Variants in NOL4 observed in about 807,000 individuals in gnomAD.
The protein encoded by NOL4 is cancer/testis antigen 125.
In NOL4, 17 loss-of-function variants were observed where a neutral mutation model predicts 75.9. That is an observed-to-expected ratio of 0.22 (90% confidence interval 0.15 to 0.34). The LOEUF is 0.34. Ranked by LOEUF, NOL4 falls within the 10% of genes least tolerant of loss-of-function variation. The pLI is 1.00. For missense variants in NOL4, 614 were observed against 793.5 expected, an observed-to-expected ratio of 0.77 and a Z score of 2.72; for synonymous variants, 292 against 289.9, an observed-to-expected ratio of 1.01 and a Z score of -0.07.
At chr18:34,115,887 G>T (rs915362552) in intron 2 of NOL4, among the ~76,000 whole-genome samples, 2 of 152,086 alleles carry the variant, frequency 1.3e-5, no homozygotes, top group Non-Finnish European at 2.9e-5. Flanking sequence ...ATTATCTACG[G>T]TTGTGGAGTG....
chr18:34,053,522 C>A (rs2076711083), intron 5 of NOL4, among the ~76,000 whole-genome samples: 1 of 151,916 alleles, frequency 6.6e-6, no homozygotes, highest in Non-Finnish European at 1.5e-5. Context: ...TAATTTAATT[C>A]AAATGATCTG....
intron 9 of NOL4, among the ~76,000 whole-genome samples, chr18:33,893,806 G>T (rs2065237761): frequency 6.6e-6 from 1 of 152,174 alleles, no homozygotes; most frequent in Admixed American, 6.6e-5. Context: ...TACATTTTGA[G>T]AATATCATGT....
At chr18:33,981,396 A>ATTAATG (rs2071946106) in intron 6 of NOL4, among the ~76,000 whole-genome samples, 3 of 151,964 alleles carry the variant, frequency 2.0e-5, no homozygotes, top group Admixed American at 2.0e-4. Flanking sequence ...ATTATAGTCA[A>ATTAATG]ACTACAGAAA....
At chr18:34,019,121 G>A (rs2074880947) in intron 6 of NOL4, among the ~76,000 whole-genome samples, 197 bp downstream of exon 6, 1 of 152,078 alleles carries the variant, frequency 6.6e-6, no homozygotes, top group African/African-American at 2.4e-5. Context: ...TTTGAGACAC[G>A]ATTCATTTTG....
chr18:34,160,824 C>T (rs555911748), intron 1 of NOL4, among the ~76,000 whole-genome samples: 86 of 152,220 alleles, frequency 5.6e-4, no homozygotes, highest in African/African-American at 1.6e-3. Context: ...GTTCTGGGAA[C>T]AATCAAGATC....
intron 1 of NOL4, among the ~76,000 whole-genome samples, chr18:34,146,893 C>A (rs942499703): frequency 6.6e-6 from 1 of 151,866 alleles, no homozygotes; most frequent in African/African-American, 2.4e-5. Context: ...CTCTTATTTC[C>A]TTGAGCAGTG....
chr18:34,200,505 T>G (rs1159165309), intron 1 of NOL4, among the ~76,000 whole-genome samples: 1 of 151,852 alleles, frequency 6.6e-6, no homozygotes, highest in African/African-American at 2.4e-5. Flanking sequence ...AGATGACAGT[T>G]TATTCTTTAA....
intron 5 of NOL4, among the ~76,000 whole-genome samples, chr18:34,049,265 G>A (rs780505758): frequency 1.3e-5 from 2 of 151,488 alleles, no homozygotes; most frequent in Non-Finnish European, 1.5e-5. Flanking sequence ...TAATCATTTA[G>A]AAAAATAATT....
chr18:34,037,131 A>G (rs1190418373), intron 5 of NOL4, among the ~76,000 whole-genome samples: 1 of 152,188 alleles, frequency 6.6e-6, no homozygotes, highest in Non-Finnish European at 1.5e-5. Flanking sequence ...TGTACACCAT[A>G]GTGAAATAGC....
intron 9 of NOL4, among the ~76,000 whole-genome samples, chr18:33,890,972 C>A (rs2144816397): frequency 6.6e-6 from 1 of 151,846 alleles, no homozygotes; most frequent in African/African-American, 2.4e-5. Flanking sequence ...CACACACTAT[C>A]CATCAAACTT....
chr18:34,100,790 T>C (rs1200078721), intron 4 of NOL4, among the ~76,000 whole-genome samples: 1 of 152,194 alleles, frequency 6.6e-6, no homozygotes, highest in African/African-American at 2.4e-5. Context: ...CTTGGCCTTA[T>C]GTCTAGCTTA....
At chr18:33,985,506 A>G (rs1351704982) in intron 6 of NOL4, among the ~76,000 whole-genome samples, 1 of 152,146 alleles carries the variant, frequency 6.6e-6, no homozygotes, top group Admixed American at 6.5e-5. Context: ...TTTCAGGACC[A>G]TCACTTTTGC....
intron 6 of NOL4, among the ~76,000 whole-genome samples, chr18:33,997,040 A>AATTCTGT (rs2073341181): frequency 6.6e-6 from 1 of 151,754 alleles, no homozygotes; most frequent in Non-Finnish European, 1.5e-5. Flanking sequence ...TATTTTTTCC[A>AATTCTGT]ATTCTGTATG....
At chr18:33,994,391 G>A (rs2073132668) in intron 6 of NOL4, among the ~76,000 whole-genome samples, 1 of 151,838 alleles carries the variant, frequency 6.6e-6, no homozygotes, top group Admixed American at 6.6e-5. Context: ...CATTCTGCAG[G>A]TTAGACAATA....
intron 6 of NOL4, among the ~76,000 whole-genome samples, chr18:33,964,695 C>T (rs1276576272): frequency 6.6e-6 from 1 of 152,058 alleles, no homozygotes; most frequent in Non-Finnish European, 1.5e-5. Flanking sequence ...GATGTAGGCC[C>T]AGCAATCTGT....
intron 5 of NOL4, among the ~76,000 whole-genome samples, chr18:34,066,016 C>T (rs116081060): frequency 0.012 from 1,806 of 151,888 alleles, 34 homozygotes; most frequent in African/African-American, 0.041. Context: ...ATAACCCTTA[C>T]GAATTTGACT....
chr18:34,034,083 T>A (rs563602207), intron 5 of NOL4, among the ~76,000 whole-genome samples: 1 of 152,064 alleles, frequency 6.6e-6, no homozygotes, highest in Non-Finnish European at 1.5e-5. Context: ...GCATTTACCA[T>A]CATGAAAACA....
Position 33,946,095 on chromosome 18 carries a change from A to G in NOL4, c.1429-2917T>C, listed in dbSNP as rs762836159. Among the ~76,000 whole-genome samples the G allele has an allele frequency of 2.6e-5, 4 of 151,768 alleles. 1 individual carries two copies. The highest frequency in any genetic ancestry group is 5.9e-5 in the Non-Finnish European group (4 of 67,752). On this transcript the variant is annotated intron_variant, in intron 8 of 10. Transcript: ENST00000261592. Reference sequence around the variant, plus strand: ...CTAAAAAAATAAGCAGAACAAAGGTAGACATGTACATGAATGTGTTATAAT... The same window carrying G: ...CTAAAAAAATAAGCAGAACAAAGGTGGACATGTACATGAATGTGTTATAAT...
At chr18:33,885,505 CAA>C (rs937844013) in intron 9 of NOL4, among the ~76,000 whole-genome samples, 1 of 151,962 alleles carries the variant, frequency 6.6e-6, no homozygotes, top group African/African-American at 2.4e-5. Flanking sequence ...AAAAAATGAG[CAA>C]AAGAGTTGAA....
Sources: gnomAD v4.1 joint callset for allele counts (sites outside exome capture counted in the v4.1 genomes callset) on GRCh38, gnomAD v4.1.1 for gene constraint, MANE v1.5 for transcripts, NCBI Gene and HGNC (gene_info 2026-07-23, HGNC 2026-07-21) for gene names.